QTRT2: variants seen among roughly 807,000 people sequenced by gnomAD.
QTRT2 encodes the protein queuine tRNA-ribosyltransferase domain containing 1.
Under a neutral mutation model 44.8 loss-of-function variants are expected in QTRT2, and 32 were observed. The ratio of observed to expected loss-of-function variants is 0.71; its 90% CI spans 0.54 to 0.96. The LOEUF is 0.96. QTRT2 is among the 40% of genes least tolerant of loss of function. QTRT2 has a pLI of 0.00. For missense variants in QTRT2, 461 were observed against 503.1 expected, an observed-to-expected ratio of 0.92 and a Z score of 0.80; for synonymous variants, 182 against 187.4, an observed-to-expected ratio of 0.97 and a Z score of 0.24.
chr3:114,068,151 T>C (rs2076978933), intron 5 of QTRT2, 88 bp downstream of exon 5: 1 of 1,007,536 alleles, frequency 9.9e-7, no homozygotes, highest in Non-Finnish European at 1.6e-6. Flanking sequence ...GATCCCACTG[T>C]CTGGGATGAT....
chr3:114,082,645 C>T (rs2077182114), intron 8 of QTRT2, 32 bp from the exon 9 acceptor site: 1 of 844,748 alleles, frequency 1.2e-6, no homozygotes, highest in East Asian at 2.6e-5. Flanking sequence ...ATCTGATCAT[C>T]ATTCAAGCCT....
rs543353250 is a variant in QTRT2 at position 114,088,132 on chromosome 3, T to A, written c.*2228T>A. 1 of 152,358 alleles carries A rather than the reference T, an allele frequency of 6.6e-6. No individual in the cohort carries two copies. The highest frequency in any genetic ancestry group is 2.4e-5 in the African/African-American group (1 of 41,590). The allele number at this position is 152,358 out of a possible 1,614,324, so 9.4% of individuals were successfully genotyped here. On this transcript the variant is annotated 3_prime_UTR_variant, in exon 10 of 10. Transcript: ENST00000281273. ...TGTTCAAATGTTCATATTTTTGTTC[T>A]ATGCTAAATGCATCGTTAGGGGAGT...
intron 2 of QTRT2, among the ~76,000 whole-genome samples, chr3:114,060,809 G>A (rs1257666550): frequency 6.6e-6 from 1 of 152,114 alleles, no homozygotes; most frequent in African/African-American, 2.4e-5. Context: ...CTCTTGTGCT[G>A]TGGGGCCAGT....
chr3:114,065,860 G>T (rs557557004), intron 3 of QTRT2, among the ~76,000 whole-genome samples: 52 of 152,174 alleles, frequency 3.4e-4, no homozygotes, highest in Non-Finnish European at 6.8e-4. Context: ...AGATCATTTT[G>T]TGTAATGTAT....
intron 2 of QTRT2, among the ~76,000 whole-genome samples, chr3:114,058,874 C>T (rs1467285920): frequency 6.6e-6 from 1 of 152,164 alleles, no homozygotes; most frequent in African/African-American, 2.4e-5. Context: ...CAGCTCAATG[C>T]ACCACATTGT....
intron 8 of QTRT2, 107 bp downstream of exon 8, chr3:114,080,164 A>T: frequency 4.7e-6 from 4 of 843,972 alleles, no homozygotes; most frequent in Non-Finnish European, 7.3e-6. Context: ...CCAGTCTTTT[A>T]CAAAACTACA....
chr3:114,073,863 G>C (rs539495437), intron 6 of QTRT2, among the ~76,000 whole-genome samples: 1 of 152,246 alleles, frequency 6.6e-6, no homozygotes, highest in South Asian at 2.1e-4. Flanking sequence ...AAGCAGGCAG[G>C]CCTATGTAAC....
chr3:114,082,946 C>G (rs1252782826), intron 9 of QTRT2, 152 bp downstream of exon 9: 1 of 623,810 alleles, frequency 1.6e-6, no homozygotes, highest in East Asian at 3.0e-5. Flanking sequence ...TTCAAAAAAA[C>G]TCTTTATTTT....
At chr3:114,069,422 T>C (rs986118979) in intron 5 of QTRT2, among the ~76,000 whole-genome samples, 1 of 152,188 alleles carries the variant, frequency 6.6e-6, no homozygotes, top group East Asian at 1.9e-4. Context: ...TAGACCCCAG[T>C]GTCTGTTGTT....
At chr3:114,059,079 A>G (rs1386852624) in intron 2 of QTRT2, among the ~76,000 whole-genome samples, 1 of 152,228 alleles carries the variant, frequency 6.6e-6, no homozygotes, top group Non-Finnish European at 1.5e-5. Flanking sequence ...GCTAGGAAAC[A>G]TTTAAAAATC....
At chr3:114,071,339 C>T (rs2077021643) in intron 6 of QTRT2, among the ~76,000 whole-genome samples, 1 of 152,138 alleles carries the variant, frequency 6.6e-6, no homozygotes, top group Non-Finnish European at 1.5e-5. Context: ...CTCACTCTTG[C>T]CCAGGCTGGA....
chr3:114,077,883 T>C (rs901545512), intron 7 of QTRT2: 2 of 152,054 alleles, frequency 1.3e-5, no homozygotes, highest in African/African-American at 2.4e-5. Context: ...CTGGCTAGTT[T>C]TGTATTTTTA....
chr3:114,071,084 G>C (rs2077018983), intron 6 of QTRT2, among the ~76,000 whole-genome samples: 3 of 151,980 alleles, frequency 2.0e-5, no homozygotes. Flanking sequence ...TTTAATTGCT[G>C]AATAATTCTT....
In QTRT2 at chr3:114,086,095, C is replaced by T; in HGVS notation, c.*191C>T. ...GATTTCCTCAAAAGACTTAAATGAC[C>T]TGGATTGATCAGAGAGAATTGAACT... On this transcript the variant is annotated 3_prime_UTR_variant, in exon 10 of 10. Transcript: ENST00000281273. 1.8e-6 allele frequency: 1 copy of T among 561,322 alleles called. No individual in the cohort carries two copies. The highest frequency in any genetic ancestry group is 3.2e-6 in the Non-Finnish European group (1 of 314,916). 34.8% of individuals were successfully genotyped at this position (561,322 alleles called of 1,614,324 possible).
intron 8 of QTRT2, 121 bp downstream of exon 8, chr3:114,080,178 C>G (rs541102326): frequency 8.8e-5 from 66 of 751,850 alleles, no homozygotes; most frequent in Non-Finnish European, 1.3e-4. Context: ...AACTACATCT[C>G]TGTTTCTTAT....
In QTRT2 at chr3:114,086,896, C is replaced by CA. The variant is rs1292040432; in HGVS notation, c.*997dup. 1 of 152,126 alleles carries CA rather than the reference C, an allele frequency of 6.6e-6. No individual in the cohort carries two copies. The highest frequency in any genetic ancestry group is 1.5e-5 in the Non-Finnish European group (1 of 68,030). The allele number at this position is 152,126 out of a possible 1,614,324, so 9.4% of individuals were successfully genotyped here. ...CTGTCTAGCTCTAAAATTGGAAGAA[C>CA]AAAAAGTTTTAGATTAGAGTCATAG... On this transcript the variant is annotated 3_prime_UTR_variant, in exon 10 of 10. Coordinates refer to ENST00000281273, the MANE Select transcript of QTRT2 (RefSeq NM_024638.4).
chr3:114,087,003 G>A lies in QTRT2; in HGVS notation c.*1099G>A, dbSNP rs748977929. The A allele has an allele frequency of 6.6e-6, 1 of 152,174 alleles. No homozygotes were observed. The highest frequency in any genetic ancestry group is 2.4e-5 in the African/African-American group (1 of 41,444). 9.4% of individuals were successfully genotyped at this position (152,174 alleles called of 1,614,324 possible). ...GCCTAAAGAGAGGTTTGGCCTGTGG[G>A]TTTTTAAGTGGTTATTGAATTGGTA... On this transcript the variant is annotated 3_prime_UTR_variant, in exon 10 of 10. Transcript: ENST00000281273.
rs1559958881 is a variant in QTRT2 at position 114,076,929 on chromosome 3, GAGGACAAGCCA to G, written c.737_746+1del. The G allele has an allele frequency of 6.2e-7, 1 of 1,614,080 alleles. No homozygotes were observed. The highest frequency in any genetic ancestry group is 8.5e-7 in the Non-Finnish European group (1 of 1,180,004). ...GTCATCAGTCACTGCAGAGCTGCCGGAGGACAAGCCAAGGCCAGTGTTCGGTTAGGACACAG... is the reference window on the plus strand; with the variant it reads ...GTCATCAGTCACTGCAGAGCTGCCGGAGGCCAGTGTTCGGTTAGGACACAG... On this transcript the variant is annotated frameshift_variant and splice_region_variant, in exon 7 of 10. Coordinates refer to ENST00000281273, the MANE Select transcript of QTRT2 (RefSeq NM_024638.4). LOFTEE classifies it high-confidence loss of function.
rs1287731797 is a variant in QTRT2, at chr3:114,068,040, C to G, written c.310C>G (p.Pro104Ala). The change falls in exon 5 of 10, where the codon CCG becomes GCG. Residue 104 changes from proline to alanine, a missense_variant. Physicochemically the swap from Pro to Ala is conservative, Grantham distance 27 (BLOSUM62 -1). Transcript: ENST00000281273. ...CSLHDPVSPC[P>A]AGYVTNKSVS... ...CCTGCACGATCCAGTCAGCCCCTGC[C>G]CGGCTGGTTATGTAACAAACAAGGT... 1.9e-6 allele frequency: 3 copies of G among 1,613,858 alleles called. No homozygotes were observed. The highest frequency in any genetic ancestry group is 2.5e-6 in the Non-Finnish European group (3 of 1,179,828).
Sources: allele counts gnomAD v4.1 joint callset (sites outside exome capture counted in the v4.1 genomes callset), GRCh38; gene constraint gnomAD v4.1.1; transcripts MANE v1.5; gene names NCBI Gene and HGNC (gene_info 2026-07-23, HGNC 2026-07-21).